MTPAP: variants seen among roughly 807,000 people sequenced by gnomAD.
The protein encoded by MTPAP is poly(A) RNA polymerase, mitochondrial.
In MTPAP, 23 loss-of-function variants were observed where a neutral mutation model predicts 48.7. The ratio of observed to expected loss-of-function variants is 0.47; its 90% CI spans 0.34 to 0.67. The LOEUF is 0.67. MTPAP is among the 30% of genes least tolerant of loss of function. The pLI is 0.01. For synonymous variants in MTPAP, 257 were observed against 254.1 expected (o/e 1.01, Z -0.11); for missense variants, 614 against 694.3 (o/e 0.88, Z 1.30).
chr10:30,317,437 C>G (rs911953446), intron 6 of MTPAP, among the ~76,000 whole-genome samples: 4 of 152,180 alleles, frequency 2.6e-5, no homozygotes, highest in Admixed American at 6.5e-5. Flanking sequence ...AAAACAAACT[C>G]AATAACAGCA....
At chr10:30,341,443 G>A (rs1021236108) in intron 2 of MTPAP, 25 bp downstream of exon 2, 1 of 1,606,230 alleles carries the variant, frequency 6.2e-7, no homozygotes, top group South Asian at 1.1e-5. Flanking sequence ...TAAACGTTAA[G>A]TTAGATTGTT....
chr10:30,332,832 A>C (rs1248189576), intron 4 of MTPAP, among the ~76,000 whole-genome samples: 1 of 151,866 alleles, frequency 6.6e-6, no homozygotes, highest in African/African-American at 2.4e-5. Context: ...GAAAACAAAA[A>C]TTAAAATGGC....
chr10:30,331,209 CAGTT>C (rs942366313), intron 4 of MTPAP, among the ~76,000 whole-genome samples: 8 of 151,906 alleles, frequency 5.3e-5, no homozygotes, highest in East Asian at 3.9e-4. Context: ...TGTTCACAGA[CAGTT>C]AGATCCATAA....
Position 30,349,217 on chromosome 10 carries a change from GTTC to G in MTPAP, c.56_58del (p.Arg19del), listed in dbSNP as rs1408095216. 6 of 1,553,028 alleles carry G rather than the reference GTTC, an allele frequency of 3.9e-6. No individual in the cohort carries two copies. Among genetic ancestry groups the G allele is most frequent in the Non-Finnish European group, 5.2e-6 (6 of 1,142,972 alleles). The stretch of plus-strand genomic sequence containing the variant: ...CCTGACGATAGGCCGCTGGACTCGA[GTTC>G]TTCTCCGGGCACACAGGTTCAAACG... On this transcript the variant is annotated inframe_deletion, in exon 1 of 9. Transcript: ENST00000263063.
chr10:30,341,767 C>T, intron 1 of MTPAP, 127 bp from the exon 2 acceptor site: 3 of 996,652 alleles, frequency 3.0e-6, no homozygotes, highest in Non-Finnish European at 4.6e-6. Context: ...TTTTCTCTTC[C>T]TTTATAAGGG....
At chr10:30,338,898 C>T (rs908261111) in intron 3 of MTPAP, among the ~76,000 whole-genome samples, 1 of 151,944 alleles carries the variant, frequency 6.6e-6, no homozygotes, top group Admixed American at 6.6e-5. Flanking sequence ...CCAAGGCGGG[C>T]GGATCACAAG....
At chr10:30,320,353 C>T (rs1013009139) in intron 6 of MTPAP, among the ~76,000 whole-genome samples, 4 of 151,974 alleles carry the variant, frequency 2.6e-5, no homozygotes, top group Non-Finnish European at 2.9e-5. Context: ...GGCGAGACCC[C>T]GTTTCAACAA....
In MTPAP at chr10:30,311,392, G is replaced by C. The variant is rs1309984238; in HGVS notation, c.*2217C>G. The stretch of plus-strand genomic sequence containing the variant: ...AATTTCTGACATAAAATTTAAATGG[G>C]AAAAATTTTTAAAGTACTACAAACT... On this transcript the variant is annotated 3_prime_UTR_variant, in exon 9 of 9. Transcript: ENST00000263063. 2.6e-5 allele frequency: 4 copies of C among 152,090 alleles called. No homozygotes were observed. Among genetic ancestry groups the C allele is most frequent in the Non-Finnish European group, 5.9e-5 (4 of 68,012 alleles). The allele number at this position is 152,090 out of a possible 1,614,324, so 9.4% of individuals were successfully genotyped here. A position where few individuals can be genotyped will look rare whatever the true frequency, so the allele number is the denominator to read the frequency against.
At chr10:30,343,405 C>CAA (rs1235833038) in intron 1 of MTPAP, among the ~76,000 whole-genome samples, 1,621 of 89,690 alleles carry the variant, frequency 0.018, 25 homozygotes, top group African/African-American at 0.049. Context: ...GAGACTGTCT[C>CAA]AAAAAAAAAA....
chr10:30,322,054 T>C (rs1162178074), intron 6 of MTPAP, among the ~76,000 whole-genome samples: 1 of 152,218 alleles, frequency 6.6e-6, no homozygotes, highest in Non-Finnish European at 1.5e-5. Flanking sequence ...TTGAAAGTCA[T>C]CTCTGAGACT....
chr10:30,340,074 C>A (rs1834780792), intron 3 of MTPAP, 152 bp downstream of exon 3: 2 of 709,086 alleles, frequency 2.8e-6, no homozygotes, highest in East Asian at 2.7e-5. Context: ...ATGCATCCAC[C>A]ACCACGATTC....
intron 4 of MTPAP, among the ~76,000 whole-genome samples, chr10:30,330,948 C>T (rs1834658799): frequency 6.6e-6 from 1 of 152,112 alleles, no homozygotes; most frequent in Non-Finnish European, 1.5e-5. Context: ...ATAACCTCAG[C>T]AACAGATAAA....
Position 30,322,562 on chromosome 10 carries a change from C to G in MTPAP, c.1048G>C (p.Val350Leu), listed in dbSNP as rs746275980. 2 of 1,614,062 alleles carry G rather than the reference C, an allele frequency of 1.2e-6. No homozygotes were observed. Among genetic ancestry groups the G allele is most frequent in the South Asian group, 1.1e-5 (1 of 91,080 alleles). ...CGTACACTGAACACCAAGGCTCTCA[C>G]TCTTGAGTCTAGGGCACCATATATA... is the stretch of plus-strand genomic sequence containing the variant. ...LYIYGALDSRVRALVFSVRCW... is the reference protein window; with the variant it reads ...LYIYGALDSRLRALVFSVRCW... The change falls in exon 6 of 9, where the codon GTG becomes CTG. Residue 350 changes from valine to leucine, a missense_variant. Physicochemically the swap from Val to Leu is conservative, Grantham distance 32 (BLOSUM62 1). This residue lies in a region of MTPAP where 261 missense variants were observed against 355.4 expected (regional missense o/e 0.73). Transcript: ENST00000263063.
intron 5 of MTPAP, among the ~76,000 whole-genome samples, chr10:30,322,917 AC>A (rs1840741768): frequency 6.6e-6 from 1 of 151,972 alleles, no homozygotes; most frequent in Non-Finnish European, 1.5e-5. Context: ...TGGGCGGATC[AC>A]TTGAGGCCAG....
chr10:30,322,639 A>C, intron 5 of MTPAP, 22 bp from the exon 6 acceptor site: 2 of 1,538,546 alleles, frequency 1.3e-6, no homozygotes, highest in Non-Finnish European at 1.8e-6. Flanking sequence ...AAAAATAAGA[A>C]AAATGTTCAA....
At chr10:30,324,701 T>C (rs1018641696) in intron 5 of MTPAP, among the ~76,000 whole-genome samples, 3 of 152,124 alleles carry the variant, frequency 2.0e-5, no homozygotes, top group African/African-American at 7.2e-5. Context: ...AAACTGTCTT[T>C]AAAAAGAATA....
intron 6 of MTPAP, among the ~76,000 whole-genome samples, chr10:30,316,530 A>T (rs1840664430): frequency 6.7e-6 from 1 of 148,518 alleles, no homozygotes; most frequent in Non-Finnish European, 1.5e-5. Context: ...GGCGTGAGCC[A>T]CCGCACCCAG....
At chr10:30,341,702 G>A (rs1447366574) in intron 1 of MTPAP, 62 bp from the exon 2 acceptor site, 81 of 1,582,396 alleles carry the variant, frequency 5.1e-5, no homozygotes, top group Non-Finnish European at 6.4e-5. Context: ...AAAATATTTT[G>A]ATAAGGTGTT....
intron 1 of MTPAP, among the ~76,000 whole-genome samples, chr10:30,346,620 C>T (rs945893044): frequency 1.3e-5 from 2 of 152,142 alleles, no homozygotes; most frequent in Non-Finnish European, 2.9e-5. Context: ...AAGTCAAATA[C>T]CTAATAAGCT....
Sources: allele counts gnomAD v4.1 joint callset (sites outside exome capture counted in the v4.1 genomes callset), GRCh38; gene constraint gnomAD v4.1.1; regional missense constraint gnomAD v4.1.1; transcripts MANE v1.5; gene names NCBI Gene and HGNC (gene_info 2026-07-23, HGNC 2026-07-21).